The following SFMBT1 variants were observed in gnomAD, a reference collection of about 807,000 sequenced individuals.
The protein encoded by SFMBT1 is scm-like with four MBT domains protein 1.
In SFMBT1, 32 loss-of-function variants were observed where a neutral mutation model predicts 108.7. The ratio of observed to expected loss-of-function variants is 0.29; its 90% confidence interval spans 0.22 to 0.40. The LOEUF is 0.40. SFMBT1 is among the 10% of genes least tolerant of loss of function. The pLI is 1.00. For synonymous variants in SFMBT1, 348 were observed against 369.5 expected (o/e 0.94, Z 0.67); for missense variants, 816 against 1,059.6 (o/e 0.77, Z 3.19).
chr3:52,992,584 T>C (rs1388678970), intron 1 of SFMBT1, among the ~76,000 whole-genome samples: 2 of 152,202 alleles, frequency 1.3e-5, no homozygotes. Context: ...GACTTTGATA[T>C]TGAGCTCTTG....
At position 52,914,961 on chromosome 3, in the gene SFMBT1, T is replaced by A. The variant is rs142924186; in HGVS notation, c.1480+1189A>T. ...TGCTCTCAGCAGGAGAGGGCCACCT[T>A]GCCCCTTGTGAGGTGGGGAGGGAGC... On this transcript the variant is annotated intron_variant, in intron 14 of 20. Coordinates refer to ENST00000394752, the MANE Select transcript of SFMBT1 (RefSeq NM_016329.4). Among the ~76,000 whole-genome samples, 149 of 152,270 alleles carry A rather than the reference T, an allele frequency of 9.8e-4. 1 individual carries two copies. Among genetic ancestry groups the A allele is most frequent in the African/African-American group, 3.5e-3 (146 of 41,572 alleles).
chr3:52,918,440 A>G (rs756041219), intron 13 of SFMBT1, 44 bp downstream of exon 13: 1 of 1,450,902 alleles, frequency 6.9e-7, no homozygotes, highest in Admixed American at 2.6e-5. Context: ...TTATTTTTCT[A>G]GATATTCTAA....
intron 1 of SFMBT1, among the ~76,000 whole-genome samples, chr3:52,986,439 T>C (rs1704918157): frequency 6.6e-6 from 1 of 152,152 alleles, no homozygotes; most frequent in Non-Finnish European, 1.5e-5. Flanking sequence ...TAATAACACA[T>C]AGCTTAAAAT....
At chr3:53,020,516 T>C (rs1699271994) in intron 1 of SFMBT1, among the ~76,000 whole-genome samples, 1 of 152,224 alleles carries the variant, frequency 6.6e-6, no homozygotes, top group Admixed American at 6.5e-5. Context: ...CTGCTAGCAT[T>C]TATCACAATT....
At chr3:52,970,673 G>A (rs1704309364) in intron 1 of SFMBT1, among the ~76,000 whole-genome samples, 2 of 152,144 alleles carry the variant, frequency 1.3e-5, no homozygotes, top group African/African-American at 4.8e-5. Flanking sequence ...ATATTCTGCA[G>A]GATCAAGCAA....
At chr3:52,926,264 C>T (rs1437336900) in intron 9 of SFMBT1, 151 bp from the exon 10 acceptor site, 3 of 638,850 alleles carry the variant, frequency 4.7e-6, no homozygotes, top group Non-Finnish European at 8.1e-6. Context: ...TTCTATAAAT[C>T]TAGAGCACTG....
intron 5 of SFMBT1, 33 bp from the exon 6 acceptor site, chr3:52,932,341 G>C (rs756566394): frequency 6.3e-7 from 1 of 1,587,078 alleles, no homozygotes; most frequent in African/African-American, 1.4e-5. Context: ...AACCCAGTAA[G>C]AGAAATTAAC....
At chr3:53,040,968 A>ATTTTTTTTTTTTTTTTTT (rs57640588) in intron 1 of SFMBT1, among the ~76,000 whole-genome samples, 29 of 46,376 alleles carry the variant, frequency 6.3e-4, no homozygotes, top group Non-Finnish European at 9.5e-4. Context: ...AGACACCTGA[A>ATTTTTTTTTTTTTTTTTT]TTTTTTTTTT....
intron 1 of SFMBT1, among the ~76,000 whole-genome samples, chr3:52,989,413 A>T (rs1360799284): frequency 7.4e-6 from 1 of 134,852 alleles, no homozygotes; most frequent in African/African-American, 2.7e-5. Flanking sequence ...CTCCAGCCTG[A>T]CTCCATCTCA....
At chr3:53,017,233 A>G (rs1436163523) in intron 1 of SFMBT1, among the ~76,000 whole-genome samples, 1 of 152,240 alleles carries the variant, frequency 6.6e-6, no homozygotes, top group Non-Finnish European at 1.5e-5. Flanking sequence ...TCTAGTGCCC[A>G]TAATATTTCT....
At chr3:52,967,918 T>C (rs1704201410) in intron 2 of SFMBT1, among the ~76,000 whole-genome samples, 1 of 152,208 alleles carries the variant, frequency 6.6e-6, no homozygotes, top group Admixed American at 6.5e-5. Context: ...ATTTTGCAGT[T>C]TTCTTTACTA....
intron 1 of SFMBT1, among the ~76,000 whole-genome samples, chr3:53,033,348 A>T (rs1052666639): frequency 6.6e-6 from 1 of 151,878 alleles, no homozygotes; most frequent in African/African-American, 2.4e-5. Context: ...TTTAGTAGAG[A>T]CGGGGTTTCA....
chr3:52,951,116 TAAA>T (rs60541061), intron 3 of SFMBT1, among the ~76,000 whole-genome samples: 14 of 81,568 alleles, frequency 1.7e-4, no homozygotes, highest in Non-Finnish European at 2.5e-4. Context: ...ACTCTTATCT[TAAA>T]AAAAAAAAAA....
chr3:52,907,536 C>A lies in SFMBT1; in HGVS notation c.2085+19G>T. On this transcript the variant is annotated intron_variant, in intron 18 of 20. Transcript: ENST00000394752. ...TCACTTGGCTTCAAGACATTACAGG[C>A]ACATCACAGATCTCATACCTGGGGA... 1 of 1,605,216 alleles carries A rather than the reference C, an allele frequency of 6.2e-7. No homozygotes were observed. The highest frequency in any genetic ancestry group is 8.5e-7 in the Non-Finnish European group (1 of 1,176,452).
chr3:53,020,126 G>A (rs573200708), intron 1 of SFMBT1, among the ~76,000 whole-genome samples: 10 of 151,988 alleles, frequency 6.6e-5, no homozygotes, highest in South Asian at 6.2e-4. Context: ...TAGGCCGGGC[G>A]TGATGTAATC....
intron 1 of SFMBT1, among the ~76,000 whole-genome samples, chr3:53,014,351 T>C (rs1186459591): frequency 6.6e-6 from 1 of 152,164 alleles, no homozygotes; most frequent in Non-Finnish European, 1.5e-5. Context: ...ATGCCTGTAA[T>C]GCCAGCACTT....
At chr3:52,923,282 A>G (rs1268124781) in intron 10 of SFMBT1, among the ~76,000 whole-genome samples, 1 of 152,180 alleles carries the variant, frequency 6.6e-6, no homozygotes, top group Non-Finnish European at 1.5e-5. Flanking sequence ...CAAGAATAGT[A>G]TGATATTAAA....
At chr3:52,993,187 A>G (rs1575424994) in intron 1 of SFMBT1, among the ~76,000 whole-genome samples, 1 of 150,904 alleles carries the variant, frequency 6.6e-6, no homozygotes, top group South Asian at 2.1e-4. Flanking sequence ...CTTAACATTT[A>G]TAAACTTCAA....
intron 19 of SFMBT1, among the ~76,000 whole-genome samples, chr3:52,906,537 G>A (rs1702069549): frequency 6.6e-6 from 1 of 152,196 alleles, no homozygotes; most frequent in Admixed American, 6.5e-5. Context: ...TAATTCCATT[G>A]AGAGAAGGCT....
Sources: gnomAD v4.1 joint callset for allele counts (sites outside exome capture counted in the v4.1 genomes callset) on GRCh38, gnomAD v4.1.1 for gene constraint, MANE v1.5 for transcripts, NCBI Gene and HGNC (gene_info 2026-07-23, HGNC 2026-07-21) for gene names.